Variants in BMP1 observed in about 807,000 individuals in gnomAD.
BMP1 encodes the protein bone morphogenetic protein 1, also known as mammalian tolloid protein.
Under a neutral mutation model 116.8 loss-of-function variants are expected in BMP1, and 63 were observed. That is an observed-to-expected ratio of 0.54 (90% confidence interval 0.44 to 0.67). BMP1 has a LOEUF of 0.67. Ranked by LOEUF, BMP1 falls within the 30% of genes least tolerant of loss-of-function variation. The pLI, the probability that BMP1 is intolerant of heterozygous loss-of-function variation, is 0.00. For synonymous variants in BMP1, 536 were observed against 533.4 expected (o/e 1.00, Z -0.07); for missense variants, 1,183 against 1,358.9 (o/e 0.87, Z 2.04).
intron 19 of BMP1, among the ~76,000 whole-genome samples, chr8:22,210,519 C>T (rs1243580478): frequency 6.6e-6 from 1 of 151,884 alleles, no homozygotes; most frequent in Non-Finnish European, 1.5e-5. Context: ...CTTTCAAATA[C>T]ACTGGCCCTC....
chr8:22,194,469 A>C lies in BMP1; in HGVS notation c.1322A>C (p.Lys441Thr), dbSNP rs1028028067. The change falls in exon 11 of 20, where the codon AAG (lysine) becomes ACG (threonine). Residue 441 changes from lysine (K) to threonine (T), a missense_variant. Around this residue, in one of 4 missense-constraint regions of BMP1, gnomAD observed 956 missense variants for 1,135.2 expected, o/e 0.84. Transcript: ENST00000306385. The surrounding 1 kb of genome is among the most constrained non-coding windows in gnomAD (Gnocchi z 4.5). Reference sequence around the variant, plus strand: ...GCCATCTGCGGGGGTGATGTGAAAAAGGACTATGGCCACATTCAATCGCCC... The same window carrying C: ...GCCATCTGCGGGGGTGATGTGAAAACGGACTATGGCCACATTCAATCGCCC... ...YEAICGGDVKKDYGHIQSPNY... is the reference protein window; with the variant it reads ...YEAICGGDVKTDYGHIQSPNY... The C allele has an allele frequency of 6.2e-7, 1 of 1,614,004 alleles. No homozygotes were observed. The highest frequency in any genetic ancestry group is 8.5e-7 in the Non-Finnish European group (1 of 1,180,022).
At position 22,197,384 on chromosome 8, in the gene BMP1, G is replaced by A. The variant is rs200401797; in HGVS notation, c.2071G>A (p.Val691Met). The change falls in exon 15 of 20, where the codon GTG becomes ATG. Residue 691 changes from valine (V) to methionine (M), a missense_variant. Physicochemically the swap from Val to Met is conservative, Grantham distance 21 (BLOSUM62 1). Transcript: ENST00000306385. ...MRVEFKSDNT[V>M]SKKGFKAHFF... ...CGTGGAGTTCAAGTCCGACAACACC[G>A]TGTCCAAAAAGGGCTTCAAGGCCCA... 29 of 1,612,354 alleles carry A rather than the reference G, an allele frequency of 1.8e-5. No individual in the cohort carries two copies. The highest frequency in any genetic ancestry group is 2.4e-5 in the Non-Finnish European group (28 of 1,178,688).
chr8:22,184,843 C>T (rs1281806954), intron 8 of BMP1, among the ~76,000 whole-genome samples: 1 of 152,242 alleles, frequency 6.6e-6, no homozygotes, highest in Non-Finnish European at 1.5e-5. Flanking sequence ...AGTCTATGGC[C>T]TTTCAAAGGT....
chr8:22,174,627 C>CTTTTTTTTTTTT (rs57781366), intron 2 of BMP1, among the ~76,000 whole-genome samples: 30 of 106,262 alleles, frequency 2.8e-4, no homozygotes, highest in South Asian at 6.1e-4. Context: ...TTTTTTCTGT[C>CTTTTTTTTTTTT]TTTTTTTTTT....
Position 22,209,684 on chromosome 8 carries a change from T to C in BMP1, c.2815T>C (p.Cys939Arg). 1 of 1,613,702 alleles carries C rather than the reference T, an allele frequency of 6.2e-7. No homozygotes were observed. Among genetic ancestry groups the C allele is most frequent in the Non-Finnish European group, 8.5e-7 (1 of 1,179,916 alleles). Residue 939 changes from cysteine to arginine, a missense_variant, in exon 19 of 20, where the codon TGT becomes CGT. Around this residue, in one of 4 missense-constraint regions of BMP1, gnomAD observed 956 missense variants for 1,135.2 expected, o/e 0.84. Coordinates refer to ENST00000306385, the MANE Select transcript of BMP1 (RefSeq NM_006129.5). The part of the protein sequence containing the change: ...DSTAPRLGRY[C>R]GSGPPEEVYS... Reference sequence around the variant, plus strand: ...CACAGCCCCCAGGCTGGGGCGCTACTGTGGCTCAGGGGTGAGGCCCCCACC... The same window carrying C: ...CACAGCCCCCAGGCTGGGGCGCTACCGTGGCTCAGGGGTGAGGCCCCCACC...
At chr8:22,166,317 C>T (rs910084626) in intron 1 of BMP1, among the ~76,000 whole-genome samples, 27 of 151,604 alleles carry the variant, frequency 1.8e-4, no homozygotes, top group Admixed American at 1.8e-3. Flanking sequence ...CTCTGTCACC[C>T]CCGAGACACC....
rs73670362 is a variant in BMP1, at chr8:22,175,686, G to A, written c.263-457G>A. 6.9e-3 allele frequency among the ~76,000 whole-genome samples: 1,049 copies of A among 152,234 alleles called. 9 individuals are homozygous for A. Among genetic ancestry groups the A allele is most frequent in the African/African-American group, 0.024 (997 of 41,504 alleles). ...ACAGCACTCTAACTCATGCCTCGAA[G>A]AAGCTTACCTAGCACACGTATGTTC... On this transcript the variant is annotated intron_variant, in intron 2 of 19. Transcript: ENST00000306385.
chr8:22,187,227 G>C (rs1471021023), intron 8 of BMP1, among the ~76,000 whole-genome samples: 1 of 152,068 alleles, frequency 6.6e-6, no homozygotes, highest in Non-Finnish European at 1.5e-5. Flanking sequence ...CTGACCTCAG[G>C]TGATCTGCCC....
At position 22,211,854 on chromosome 8, in the gene BMP1, G is replaced by A; in HGVS notation, c.*126G>A. 3 of 1,437,280 alleles carry A rather than the reference G, an allele frequency of 2.1e-6. No individual in the cohort carries two copies. The highest frequency in any genetic ancestry group is 3.7e-5 in the Admixed American group (2 of 54,332). 89.0% of individuals were successfully genotyped at this position (1,437,280 alleles called of 1,614,324 possible). A position where few individuals can be genotyped will look rare whatever the true frequency, so the allele number is the denominator to read the frequency against. On this transcript the variant is annotated 3_prime_UTR_variant, in exon 20 of 20. Coordinates refer to ENST00000306385, the MANE Select transcript of BMP1 (RefSeq NM_006129.5). ...AGGCCCCAGGACCTGCAGGGCCAAT[G>A]GCCTGGTGAGACTGTCCATAGGAGG...
chr8:22,199,478 C>T, intron 15 of BMP1: 1 of 1,153,426 alleles, frequency 8.7e-7, no homozygotes, highest in Non-Finnish European at 1.1e-6. Context: ...GTGAGGCTGC[C>T]CACTCCTGCC....
chr8:22,206,501 C>CA (rs759348690), intron 16 of BMP1, among the ~76,000 whole-genome samples: 2,307 of 106,918 alleles, frequency 0.022, 49 homozygotes, highest in African/African-American at 0.07. Context: ...GACTCCATCT[C>CA]AAAAAAAAAA....
Position 22,192,078 on chromosome 8 carries a change from G to C in BMP1, c.1107G>C (p.Leu369=). The C allele has an allele frequency of 6.2e-7, 1 of 1,613,968 alleles. No individual in the cohort carries two copies. Among genetic ancestry groups the C allele is most frequent in the Non-Finnish European group, 8.5e-7 (1 of 1,179,888 alleles). The part of the protein sequence containing the change: ...KIILNFTSLD[L]YRSRLCWYDY... ...TCCTGAACTTCACGTCCCTGGACCTGTACCGCAGCCGCCTGTGCTGGTACG... is the reference window on the plus strand; with the variant it reads ...TCCTGAACTTCACGTCCCTGGACCTCTACCGCAGCCGCCTGTGCTGGTACG... Residue 369 remains leucine (L), a synonymous_variant, in exon 9 of 20, where the codon CTG becomes CTC. Coordinates refer to ENST00000306385, the MANE Select transcript of BMP1 (RefSeq NM_006129.5).
Position 22,195,600 on chromosome 8 carries a change from A to G in BMP1, c.1765+13A>G. Reference sequence around the variant, plus strand: ...CGCCGCTGTGAGGGTGAGTGCCCCCAGACTGCCTCTGACCCTGTTCTTTCC... The same window carrying G: ...CGCCGCTGTGAGGGTGAGTGCCCCCGGACTGCCTCTGACCCTGTTCTTTCC... On this transcript the variant is annotated intron_variant, in intron 13 of 19. Transcript: ENST00000306385. The G allele has an allele frequency of 6.2e-7, 1 of 1,609,238 alleles. No individual in the cohort carries two copies. The highest frequency in any genetic ancestry group is 8.5e-7 in the Non-Finnish European group (1 of 1,178,930).
intron 19 of BMP1, 63 bp downstream of exon 19, chr8:22,209,758 T>G: frequency 1.3e-6 from 2 of 1,522,448 alleles, no homozygotes; most frequent in South Asian, 2.3e-5. Flanking sequence ...TCCTCCACCC[T>G]TCTCAGCCCA....
At chr8:22,191,303 T>C (rs1228895129) in intron 8 of BMP1, among the ~76,000 whole-genome samples, 3 of 152,210 alleles carry the variant, frequency 2.0e-5, no homozygotes, top group African/African-American at 7.2e-5. Context: ...ACACCCAGGC[T>C]GTTGTGACTG....
chr8:22,168,843 C>T (rs893443417), intron 1 of BMP1, among the ~76,000 whole-genome samples: 4 of 151,820 alleles, frequency 2.6e-5, no homozygotes, highest in South Asian at 2.1e-4. Flanking sequence ...TGGGGCAGGG[C>T]GGGGCAGTGG....
intron 8 of BMP1, among the ~76,000 whole-genome samples, chr8:22,185,072 C>G (rs1399354057): frequency 6.6e-6 from 1 of 152,210 alleles, no homozygotes; most frequent in Non-Finnish European, 1.5e-5. Context: ...CAAGTCTACA[C>G]TCTTGTAATT....
chr8:22,180,276 C>A, intron 7 of BMP1, 92 bp from the exon 8 acceptor site: 1 of 1,028,038 alleles, frequency 9.7e-7, no homozygotes, highest in Non-Finnish European at 1.5e-6. Context: ...TCTCCCCTCC[C>A]CCAGAGGATG....
chr8:22,206,164 C>G (rs958162502), intron 16 of BMP1, among the ~76,000 whole-genome samples: 1 of 151,680 alleles, frequency 6.6e-6, no homozygotes, highest in Non-Finnish European at 1.5e-5. Flanking sequence ...GCCAGGAGTT[C>G]GAGACCAGCC....
Sources: gnomAD v4.1 joint callset for allele counts (sites outside exome capture counted in the v4.1 genomes callset) on GRCh38, gnomAD v4.1.1 for gene constraint, gnomAD v4.1.1 regional missense constraint, Gnocchi (gnomAD v3.1) non-coding constraint, MANE v1.5 for transcripts, NCBI Gene and HGNC (gene_info 2026-07-23, HGNC 2026-07-21) for gene names.